Variants in FHIT observed in about 807,000 individuals in gnomAD.
The protein encoded by FHIT is fragile histidine triad diadenosine triphosphatase.
A neutral mutation model predicts 17.9 loss-of-function variants in FHIT; 19 were observed. That is an observed-to-expected ratio of 1.06 (90% confidence interval 0.74 to 1.56). The LOEUF (loss-of-function observed/expected upper bound fraction) is 1.56. Among genes scored for constraint, FHIT ranks in the 40% most tolerant of loss-of-function variants. The pLI is 0.00. For synonymous variants in FHIT, 81 were observed against 69.7 expected, an observed-to-expected ratio of 1.16 and a Z score of -0.81; for missense variants, 248 against 189.2, an observed-to-expected ratio of 1.31 and a Z score of -1.82.
chr3:60,715,557 T>C (rs2041660533), intron 4 of FHIT, among the ~76,000 whole-genome samples: 1 of 135,526 alleles, frequency 7.4e-6, no homozygotes, highest in Non-Finnish European at 1.5e-5. Context: ...CACTCATAGA[T>C]GGGAATTGAA....
At chr3:60,404,082 AG>A (rs1308725824) in intron 5 of FHIT, among the ~76,000 whole-genome samples, 5 of 152,202 alleles carry the variant, frequency 3.3e-5, no homozygotes, top group Non-Finnish European at 7.3e-5. Context: ...GCCTTTGCAC[AG>A]AAGTGCAACT....
chr3:60,651,444 C>G (rs2039988187), intron 4 of FHIT, among the ~76,000 whole-genome samples: 1 of 151,708 alleles, frequency 6.6e-6, no homozygotes, highest in African/African-American at 2.4e-5. Context: ...TTTGGTATAC[C>G]CATTGGCCAT....
chr3:60,344,736 T>G (rs570285115), intron 5 of FHIT, among the ~76,000 whole-genome samples: 1 of 152,334 alleles, frequency 6.6e-6, no homozygotes, highest in East Asian at 1.9e-4. Context: ...TCAAGATTTT[T>G]TTTTCTAATT....
At chr3:60,131,046 CATAT>C (rs1353897794) in intron 5 of FHIT, among the ~76,000 whole-genome samples, 1,128 of 82,642 alleles carry the variant, frequency 0.014, 29 homozygotes, top group African/African-American at 0.079. Context: ...TATATATACA[CATAT>C]ATACATACAT....
intron 5 of FHIT, among the ~76,000 whole-genome samples, chr3:60,064,571 G>A (rs1398024254): frequency 2.0e-5 from 3 of 152,278 alleles, no homozygotes; most frequent in South Asian, 2.1e-4. Flanking sequence ...TACCTACCAT[G>A]TGAGCAGCTC....
intron 4 of FHIT, among the ~76,000 whole-genome samples, chr3:60,609,203 C>A (rs1457017853): frequency 1.3e-5 from 2 of 152,128 alleles, no homozygotes; most frequent in Non-Finnish European, 2.9e-5. Flanking sequence ...GAACTCAAGT[C>A]TTTCTCATGT....
intron 2 of FHIT, among the ~76,000 whole-genome samples, chr3:61,107,801 G>A (rs2036034085): frequency 6.6e-6 from 1 of 152,180 alleles, no homozygotes; most frequent in Non-Finnish European, 1.5e-5. Context: ...GACAGAAAAA[G>A]GAAAGTGATG....
At chr3:61,021,394 T>C in intron 3 of FHIT, among the ~76,000 whole-genome samples, 1 of 147,504 alleles carries the variant, frequency 6.8e-6, no homozygotes, top group Non-Finnish European at 1.5e-5. Flanking sequence ...GGTCAGGAGA[T>C]CGAGACCATC....
intron 4 of FHIT, among the ~76,000 whole-genome samples, chr3:60,577,364 C>T (rs1342195874): frequency 6.6e-6 from 1 of 152,096 alleles, no homozygotes; most frequent in Non-Finnish European, 1.5e-5. Context: ...GTGCCCCATG[C>T]TCTCTTTTGG....
chr3:61,166,735 G>A lies in FHIT; in HGVS notation c.-164+33882C>T, dbSNP rs1238814706. ...CCAAAATACAGTCACTTTCATAAAT[G>A]TTGTCCATTCATTCTAGCACTGAGT... On this transcript the variant is annotated intron_variant, in intron 2 of 9. Coordinates refer to ENST00000492590, the MANE Select transcript of FHIT (RefSeq NM_002012.4). Among the ~76,000 whole-genome samples the A allele has an allele frequency of 2.0e-5, 3 of 152,286 alleles. No individual in the cohort carries two copies. In the East Asian group the frequency reaches 5.8e-4, roughly 29 times the overall value.
chr3:60,016,990 C>T (rs1391751266), intron 5 of FHIT, among the ~76,000 whole-genome samples: 1 of 152,146 alleles, frequency 6.6e-6, no homozygotes, highest in Non-Finnish European at 1.5e-5. Flanking sequence ...AAATTAGAAA[C>T]TTGCCACACC....
intron 8 of FHIT, among the ~76,000 whole-genome samples, chr3:59,807,058 CCT>C (rs1353674779): frequency 1.3e-5 from 2 of 152,058 alleles, no homozygotes; most frequent in Non-Finnish European, 2.9e-5. Context: ...GGCTGTGATC[CCT>C]CTCTTATCCA....
At chr3:59,822,445 C>T (rs1426217423) in intron 8 of FHIT, among the ~76,000 whole-genome samples, 2 of 152,086 alleles carry the variant, frequency 1.3e-5, no homozygotes, top group Non-Finnish European at 2.9e-5. Context: ...TTCACAGCAT[C>T]CACGCCAACA....
chr3:59,923,393 A>C (rs988563573), intron 7 of FHIT, among the ~76,000 whole-genome samples: 1 of 152,136 alleles, frequency 6.6e-6, no homozygotes, highest in African/African-American at 2.4e-5. Flanking sequence ...TCATTAGCAC[A>C]TGCACTGATT....
chr3:59,835,672 C>A (rs1245624559), intron 8 of FHIT, among the ~76,000 whole-genome samples: 1 of 152,048 alleles, frequency 6.6e-6, no homozygotes, highest in African/African-American at 2.4e-5. Flanking sequence ...GCCTAAGATT[C>A]CAATTTAGTG....
intron 5 of FHIT, among the ~76,000 whole-genome samples, chr3:60,187,888 TA>T (rs1432408813): frequency 1.3e-5 from 2 of 152,174 alleles, no homozygotes; most frequent in Non-Finnish European, 2.9e-5. Context: ...ATTGTGCTTT[TA>T]AAAAATTACA....
At chr3:60,631,059 A>C (rs2039428906) in intron 4 of FHIT, among the ~76,000 whole-genome samples, 1 of 151,876 alleles carries the variant, frequency 6.6e-6, no homozygotes, top group African/African-American at 2.4e-5. Flanking sequence ...TTCAAAGAGG[A>C]GGCAGATAAC....
chr3:59,905,881 T>C (rs1353103902), intron 8 of FHIT, among the ~76,000 whole-genome samples: 1 of 151,628 alleles, frequency 6.6e-6, no homozygotes, highest in Non-Finnish European at 1.5e-5. Flanking sequence ...TCATAATGCA[T>C]TGGAAATTAA....
intron 8 of FHIT, among the ~76,000 whole-genome samples, chr3:59,907,787 C>A (rs983374055): frequency 6.6e-6 from 1 of 152,178 alleles, no homozygotes; most frequent in African/African-American, 2.4e-5. Context: ...GGTCAGATGT[C>A]CAAAATGGGT....
Sources: allele counts gnomAD v4.1 joint callset (sites outside exome capture counted in the v4.1 genomes callset), GRCh38; gene constraint gnomAD v4.1.1; transcripts MANE v1.5; gene names NCBI Gene and HGNC (gene_info 2026-07-23, HGNC 2026-07-21).